Variants in FILIP1L observed in about 807,000 individuals in gnomAD.
FILIP1L encodes filamin A-interacting protein 1-like.
A neutral mutation model predicts 96.6 loss-of-function variants in FILIP1L; 55 were observed. The observed-to-expected ratio is 0.57, with a 90% CI of 0.46 to 0.71. The LOEUF (loss-of-function observed/expected upper bound fraction) is 0.71, where lower values mean the gene tolerates loss of function less well. FILIP1L is among the 30% of genes least tolerant of loss of function. The probability of loss-of-function intolerance (pLI) is 0.00; values close to 1 mark genes in which losing one functional copy is unlikely to be tolerated. For missense variants in FILIP1L, 1,304 were observed against 1,321.2 expected, an observed-to-expected ratio of 0.99 and a Z score of 0.20; for synonymous variants, 467 against 473.9, an observed-to-expected ratio of 0.99 and a Z score of 0.19.
At chr3:99,839,754 G>C (rs888740078) in intron 5 of FILIP1L, among the ~76,000 whole-genome samples, 12 of 152,188 alleles carry the variant, frequency 7.9e-5, no homozygotes, top group African/African-American at 2.9e-4. Flanking sequence ...CAGCCAGTCT[G>C]TCAAGTAAGT....
At chr3:100,020,997 C>T (rs1349036404) in intron 1 of FILIP1L, among the ~76,000 whole-genome samples, 1 of 152,102 alleles carries the variant, frequency 6.6e-6, no homozygotes, top group African/African-American at 2.4e-5. Flanking sequence ...GATCTCTTGA[C>T]CTTGTGATCT....
intron 4 of FILIP1L, among the ~76,000 whole-genome samples, chr3:99,923,006 C>G (rs1424986106): frequency 2.0e-5 from 3 of 152,034 alleles, no homozygotes; most frequent in Non-Finnish European, 4.4e-5. Context: ...TTATTTGGTG[C>G]TATTTGACTG....
At chr3:100,109,358 CTTATA>C (rs1559760405) in intron 1 of FILIP1L, among the ~76,000 whole-genome samples, 2 of 152,100 alleles carry the variant, frequency 1.3e-5, no homozygotes, top group Non-Finnish European at 2.9e-5. Context: ...AAAATTACCT[CTTATA>C]TAACGTACAA....
In FILIP1L at chr3:99,830,096, T is replaced by C. The variant is rs1470234299; in HGVS notation, c.*318A>G. 1 of 156,860 alleles carries C rather than the reference T, an allele frequency of 6.4e-6. No individual in the cohort carries two copies. The highest frequency in any genetic ancestry group is 1.4e-5 in the Non-Finnish European group (1 of 70,496). The allele number at this position is 156,860 out of a possible 1,614,324, so 9.7% of individuals were successfully genotyped here. A position where few individuals can be genotyped will look rare whatever the true frequency, so the allele number is the denominator to read the frequency against. ...ATTACTTCTGTTTTCACCAGAAAAC[T>C]CTTGAACTGTTCTAGTGAATTCAGT... is the stretch of plus-strand genomic sequence containing the variant. On this transcript the variant is annotated 3_prime_UTR_variant, in exon 6 of 6. Coordinates refer to ENST00000477258, the MANE Select transcript of FILIP1L (RefSeq NM_001387850.1).
intron 1 of FILIP1L, among the ~76,000 whole-genome samples, chr3:100,065,672 G>A (rs6764470): frequency 8.1e-6 from 1 of 123,544 alleles, no homozygotes; most frequent in Non-Finnish European, 1.8e-5. Flanking sequence ...TAAAGCTGAG[G>A]TGCAAATGAC....
At chr3:100,109,144 C>T (rs114567564) in intron 1 of FILIP1L, among the ~76,000 whole-genome samples, 104 of 150,608 alleles carry the variant, frequency 6.9e-4, no homozygotes, top group Non-Finnish European at 9.3e-4. Flanking sequence ...TCAATTCTTC[C>T]GCTGTAAATC....
intron 4 of FILIP1L, among the ~76,000 whole-genome samples, chr3:99,902,194 G>A (rs1474564620): frequency 1.3e-5 from 2 of 152,060 alleles, no homozygotes; most frequent in African/African-American, 4.8e-5. Context: ...CTTAGTATTC[G>A]AGACATTCTT....
intron 1 of FILIP1L, among the ~76,000 whole-genome samples, chr3:99,970,291 G>A (rs1322528088): frequency 6.6e-6 from 1 of 152,236 alleles, no homozygotes; most frequent in African/African-American, 2.4e-5. Context: ...TTTAGAGGCT[G>A]CAATCACTCT....
At chr3:99,953,001 G>C (rs762149766) in intron 1 of FILIP1L, among the ~76,000 whole-genome samples, 3 of 152,132 alleles carry the variant, frequency 2.0e-5, no homozygotes, top group Non-Finnish European at 4.4e-5. Context: ...AGTGGTCTCT[G>C]AAGGTGGATT....
chr3:99,961,739 A>G (rs533609509), intron 1 of FILIP1L, among the ~76,000 whole-genome samples: 1 of 152,280 alleles, frequency 6.6e-6, no homozygotes, highest in African/African-American at 2.4e-5. Flanking sequence ...TCCTTCCAAG[A>G]CATTTGTAGA....
intron 4 of FILIP1L, among the ~76,000 whole-genome samples, chr3:99,869,572 A>G (rs1944686683): frequency 6.6e-6 from 1 of 152,130 alleles, no homozygotes; most frequent in South Asian, 2.1e-4. Context: ...GGACTTCCAC[A>G]ATATCTCACT....
intron 4 of FILIP1L, among the ~76,000 whole-genome samples, chr3:99,861,203 A>T (rs1462098153): frequency 2.0e-5 from 3 of 152,142 alleles, no homozygotes; most frequent in African/African-American, 7.2e-5. Flanking sequence ...CTCCCAAAAA[A>T]AATTACCTGT....
rs545990047 is a variant in FILIP1L, at chr3:99,844,064, A to G, written c.3381+4231T>C. ...GTGCCAAATTGGGAACTGCTGCTGT[A>G]CAGTATCGGTTGTTTACCCTCATGA... On this transcript the variant is annotated intron_variant, in intron 5 of 5. Coordinates refer to ENST00000477258, the MANE Select transcript of FILIP1L (RefSeq NM_001387850.1). 2.0e-3 allele frequency among the ~76,000 whole-genome samples: 282 copies of G among 140,078 alleles called. 1 individual carries two copies. Among genetic ancestry groups the G allele is most frequent in the African/African-American group, 7.4e-3 (271 of 36,784 alleles). 91.9% of individuals were successfully genotyped at this position (140,078 alleles called of 152,430 possible).
At chr3:100,015,107 A>G (rs1053114346) in intron 1 of FILIP1L, among the ~76,000 whole-genome samples, 1 of 151,132 alleles carries the variant, frequency 6.6e-6, no homozygotes, top group African/African-American at 2.4e-5. Flanking sequence ...ATTCTTCCTC[A>G]TGTAGATATC....
chr3:99,917,999 A>G (rs891215898), intron 4 of FILIP1L, among the ~76,000 whole-genome samples: 3 of 151,842 alleles, frequency 2.0e-5, no homozygotes, highest in African/African-American at 7.3e-5. Context: ...TTTTTTTGAG[A>G]CAGATTCTTG....
At chr3:99,832,292 G>A (rs544003837) in intron 5 of FILIP1L, among the ~76,000 whole-genome samples, 16 of 148,506 alleles carry the variant, frequency 1.1e-4, no homozygotes, top group African/African-American at 3.7e-4. Context: ...GTGCAGTGGC[G>A]CGATATCGGC....
chr3:100,090,644 G>A (rs760493955), intron 1 of FILIP1L, among the ~76,000 whole-genome samples: 1 of 152,132 alleles, frequency 6.6e-6, no homozygotes, highest in Non-Finnish European at 1.5e-5. Context: ...GTTCTCTGTA[G>A]CATTTCCCAT....
intron 4 of FILIP1L, among the ~76,000 whole-genome samples, chr3:99,862,889 A>G (rs1485894866): frequency 6.6e-6 from 1 of 152,226 alleles, no homozygotes; most frequent in Non-Finnish European, 1.5e-5. Context: ...GTGAATGTCC[A>G]ATATCCAATG....
chr3:99,876,084 C>A (rs370878584), intron 4 of FILIP1L: 2 of 986,244 alleles, frequency 2.0e-6, no homozygotes, highest in East Asian at 2.3e-4. Flanking sequence ...GAACTGCCTG[C>A]GCCGGGGCCG....
Sources: allele counts gnomAD v4.1 joint callset (sites outside exome capture counted in the v4.1 genomes callset), GRCh38; gene constraint gnomAD v4.1.1; transcripts MANE v1.5; gene names NCBI Gene and HGNC (gene_info 2026-07-23, HGNC 2026-07-21).